CNKSR3: variants seen among roughly 807,000 people sequenced by gnomAD.
CNKSR3 encodes the protein CNKSR family member 3, also known as connector enhancer of kinase suppressor of ras 3.
A neutral mutation model predicts 67.7 loss-of-function variants in CNKSR3; 36 were observed. The observed-to-expected ratio is 0.53, with a 90% CI of 0.41 to 0.70. The LOEUF (loss-of-function observed/expected upper bound fraction) is 0.70, where lower values mean the gene tolerates loss of function less well. Ranked by LOEUF, CNKSR3 falls within the 30% of genes least tolerant of loss-of-function variation. The pLI is 0.00. For synonymous variants in CNKSR3, 281 were observed against 271.4 expected, an observed-to-expected ratio of 1.04 and a Z score of -0.35; for missense variants, 630 against 695.2, an observed-to-expected ratio of 0.91 and a Z score of 1.05.
At chr6:154,439,767 C>T (rs913078200) in intron 4 of CNKSR3, among the ~76,000 whole-genome samples, 2 of 152,102 alleles carry the variant, frequency 1.3e-5, no homozygotes, top group African/African-American at 4.8e-5. Context: ...TAGCATGCAC[C>T]TGCAGTCCCA....
At chr6:154,480,072 AG>A (rs1786534816) in intron 1 of CNKSR3, among the ~76,000 whole-genome samples, 1 of 152,230 alleles carries the variant, frequency 6.6e-6, no homozygotes, top group Non-Finnish European at 1.5e-5. Flanking sequence ...GTTGGCTGTC[AG>A]GAACGGAAAG....
intron 1 of CNKSR3, among the ~76,000 whole-genome samples, chr6:154,499,616 T>C (rs534904156): frequency 3.3e-5 from 5 of 152,304 alleles, no homozygotes; most frequent in African/African-American, 1.2e-4. Context: ...GGTGCCAATC[T>C]CTACCGGGTT....
rs993870000 is a variant in CNKSR3 at position 154,439,603 on chromosome 6, A to C, written c.507+1689T>G. 1.4e-4 allele frequency among the ~76,000 whole-genome samples: 21 copies of C among 152,234 alleles called. 1 individual carries two copies. The highest frequency in any genetic ancestry group is 1.3e-4 in the Admixed American group (2 of 15,286). Reference sequence around the variant, plus strand: ...TCGCTAGTAAACTCTGTTAAAAATCAAAACAGGGCCAGGTGCAGTGGCTTA... The same window carrying C: ...TCGCTAGTAAACTCTGTTAAAAATCCAAACAGGGCCAGGTGCAGTGGCTTA... On this transcript the variant is annotated intron_variant, in intron 4 of 12. Coordinates refer to ENST00000607772, the MANE Select transcript of CNKSR3 (RefSeq NM_173515.4).
intron 1 of CNKSR3, among the ~76,000 whole-genome samples, chr6:154,482,098 A>C (rs1049731472): frequency 6.6e-6 from 1 of 152,194 alleles, no homozygotes; most frequent in Non-Finnish European, 1.5e-5. Flanking sequence ...CTTTGGGTCA[A>C]CCTTACCAAC....
chr6:154,454,082 AAC>A (rs368097129), intron 1 of CNKSR3, among the ~76,000 whole-genome samples: 1,928 of 78,206 alleles, frequency 0.025, 36 homozygotes, highest in African/African-American at 0.028. Context: ...GCAAGATGAA[AAC>A]ACACACACAC....
chr6:154,414,685 C>T (rs778582496), intron 9 of CNKSR3: 2 of 574,058 alleles, frequency 3.5e-6, no homozygotes, highest in South Asian at 2.9e-5. Context: ...GACTCTAGCT[C>T]TGAGCAAATC....
chr6:154,452,800 G>T (rs1562339585), intron 1 of CNKSR3, among the ~76,000 whole-genome samples: 3 of 152,166 alleles, frequency 2.0e-5, no homozygotes, highest in African/African-American at 7.2e-5. Context: ...GACACACACA[G>T]AAGAAAGATA....
At chr6:154,505,792 G>A (rs907765481) in intron 1 of CNKSR3, among the ~76,000 whole-genome samples, 8 of 148,776 alleles carry the variant, frequency 5.4e-5, no homozygotes, top group East Asian at 2.6e-4. Flanking sequence ...GAGCCACCGC[G>A]CCTGGCCAAC....
In CNKSR3 at chr6:154,390,853, T is replaced by C. The variant is rs1374155920; in HGVS notation, c.*15501A>G. 1 of 136,516 alleles carries C rather than the reference T, an allele frequency of 7.3e-6. No individual in the cohort carries two copies. The highest frequency in any genetic ancestry group is 1.5e-5 in the Non-Finnish European group (1 of 66,520). 8.5% of individuals were successfully genotyped at this position (136,516 alleles called of 1,614,324 possible). Reference sequence around the variant, plus strand: ...TCTCACTCTGTTGCCCAGGCTGGAGTGCAGTGGCTCCATCTCGGCTCACTG... The same window carrying C: ...TCTCACTCTGTTGCCCAGGCTGGAGCGCAGTGGCTCCATCTCGGCTCACTG... On this transcript the variant is annotated 3_prime_UTR_variant, in exon 13 of 13. Transcript: ENST00000607772.
chr6:154,421,987 C>CTTTTTTT (rs34269095), intron 9 of CNKSR3, among the ~76,000 whole-genome samples: 1 of 127,338 alleles, frequency 7.9e-6, no homozygotes, highest in South Asian at 2.5e-4. Flanking sequence ...TCATTTCATT[C>CTTTTTTT]TTTTTTTTTT....
chr6:154,451,492 C>G (rs1431427562), intron 1 of CNKSR3, among the ~76,000 whole-genome samples: 3 of 13,952 alleles, frequency 2.2e-4, no homozygotes, highest in African/African-American at 4.9e-4. Flanking sequence ...CACACGCACA[C>G]ACGCATACAT....
Position 154,496,470 on chromosome 6 carries a change from C to T in CNKSR3, c.52+13593G>A, listed in dbSNP as rs1348360108. On this transcript the variant is annotated intron_variant, in intron 1 of 12. Coordinates refer to ENST00000607772, the MANE Select transcript of CNKSR3 (RefSeq NM_173515.4). Reference sequence around the variant, plus strand: ...CAGGGCTCTGAGTACAGGAGAAGCACCATCTGATTGCTTTAATAAGAGCAA... The same window carrying T: ...CAGGGCTCTGAGTACAGGAGAAGCATCATCTGATTGCTTTAATAAGAGCAA... Among the ~76,000 whole-genome samples the T allele has an allele frequency of 1.4e-5, 2 of 142,268 alleles. 1 individual carries two copies. The highest frequency in any genetic ancestry group is 3.2e-5 in the Non-Finnish European group (2 of 61,980). The allele number at this position is 142,268 out of a possible 152,430, so 93.3% of individuals were successfully genotyped here.
chr6:154,417,147 C>T (rs1249427525), intron 9 of CNKSR3, among the ~76,000 whole-genome samples: 2 of 152,222 alleles, frequency 1.3e-5, no homozygotes, highest in African/African-American at 4.8e-5. Flanking sequence ...TTCTGACTTT[C>T]CAATTTTTGT....
intron 10 of CNKSR3, among the ~76,000 whole-genome samples, chr6:154,411,898 G>A (rs1562319428): frequency 6.6e-6 from 1 of 152,136 alleles, no homozygotes; most frequent in Non-Finnish European, 1.5e-5. Context: ...AAGATACAAA[G>A]GAACCTTTAT....
chr6:154,390,715 C>T lies in CNKSR3; in HGVS notation c.*15639G>A, dbSNP rs1784594209. ...TAACAAAATACCACAGACTGGGTAGCTTAAACAACAGAAATGTGTCTTCTC... is the reference window on the plus strand; with the variant it reads ...TAACAAAATACCACAGACTGGGTAGTTTAAACAACAGAAATGTGTCTTCTC... On this transcript the variant is annotated 3_prime_UTR_variant, in exon 13 of 13. Coordinates refer to ENST00000607772, the MANE Select transcript of CNKSR3 (RefSeq NM_173515.4). 1.3e-5 allele frequency: 2 copies of T among 151,212 alleles called. No homozygotes were observed. The highest frequency in any genetic ancestry group is 6.6e-5 in the Admixed American group (1 of 15,144). 9.4% of individuals were successfully genotyped at this position (151,212 alleles called of 1,614,324 possible).
At chr6:154,465,565 C>T (rs996835808) in intron 1 of CNKSR3, among the ~76,000 whole-genome samples, 1 of 152,288 alleles carries the variant, frequency 6.6e-6, no homozygotes, top group East Asian at 1.9e-4. Flanking sequence ...GAGCCTGGCT[C>T]ACACCAGGGG....
At chr6:154,407,347 C>T (rs745934300) in intron 12 of CNKSR3, among the ~76,000 whole-genome samples, 1 of 152,148 alleles carries the variant, frequency 6.6e-6, no homozygotes, top group Non-Finnish European at 1.5e-5. Context: ...CCAGCAGACC[C>T]CCTGGGATGT....
chr6:154,422,531 AG>A lies in CNKSR3; in HGVS notation c.919del (p.Leu307TyrfsTer28), dbSNP rs1314276957. ...FNFTPAPLKNLRWKPPLVQTS... is the reference protein window; with the variant it reads ...FNFTPAPLKNXRWKPPLVQTS... ...CTGTACAAGAGGTGGCTTCCACCGT[AG>A]GTTTTTCAGGGGAGCAGGAGTAAAG... On this transcript the variant is annotated frameshift_variant, in exon 9 of 13. Transcript: ENST00000607772. LOFTEE classifies it high-confidence loss of function. 1 of 1,614,184 alleles carries A rather than the reference AG, an allele frequency of 6.2e-7. No individual in the cohort carries two copies.
chr6:154,423,711 T>TA (rs1298658797), intron 7 of CNKSR3, among the ~76,000 whole-genome samples: 1 of 152,250 alleles, frequency 6.6e-6, no homozygotes, highest in Non-Finnish European at 1.5e-5. Context: ...GTTTCCTTAT[T>TA]AAAACTAAAT....
Sources: gnomAD v4.1 joint callset for allele counts (sites outside exome capture counted in the v4.1 genomes callset) on GRCh38, gnomAD v4.1.1 for gene constraint, MANE v1.5 for transcripts, NCBI Gene and HGNC (gene_info 2026-07-23, HGNC 2026-07-21) for gene names.